PRR5L: variants seen among roughly 807,000 people sequenced by gnomAD.
The protein encoded by PRR5L is proline-rich protein 5-like.
PRR5L carries 21 observed loss-of-function variants against 36.4 expected under a neutral mutation model. The observed-to-expected ratio is 0.58, with a 90% CI of 0.41 to 0.83. PRR5L has a LOEUF of 0.83. Ranked by LOEUF, PRR5L falls within the 40% of genes least tolerant of loss-of-function variation. The pLI, the probability that PRR5L is intolerant of heterozygous loss-of-function variation, is 0.00. For missense variants in PRR5L, 381 were observed against 473.3 expected, an observed-to-expected ratio of 0.80 and a Z score of 1.81; for synonymous variants, 188 against 197.0, an observed-to-expected ratio of 0.95 and a Z score of 0.38.
At chr11:36,350,042 A>G (rs115622361) in intron 1 of PRR5L, 7 of 152,142 alleles carry the variant, frequency 4.6e-5, no homozygotes, top group African/African-American at 1.7e-4. Context: ...CCAGGTTAAA[A>G]TGTTTAACCC....
Position 36,431,464 on chromosome 11 carries a change from T to TA in PRR5L, c.295-380dup, listed in dbSNP as rs398115272. On this transcript the variant is annotated intron_variant, in intron 4 of 8. Coordinates refer to ENST00000530639, the MANE Select transcript of PRR5L (RefSeq NM_001160167.2). ...GAAGCCCTAAATTTATCTTTTTTTT[T>TA]AAAAAAAAATATGTTATTTCTGCAT... 9.6e-3 allele frequency among the ~76,000 whole-genome samples: 1,415 copies of TA among 147,834 alleles called. 11 individuals carry two copies. Among genetic ancestry groups the TA allele is most frequent in the Middle Eastern group, 0.021 (6 of 282 alleles).
intron 1 of PRR5L, among the ~76,000 whole-genome samples, chr11:36,358,228 C>G (rs1857048999): frequency 6.6e-6 from 1 of 152,210 alleles, no homozygotes; most frequent in Non-Finnish European, 1.5e-5. Context: ...AGAAATTCCA[C>G]TGAGGGTAAA....
chr11:36,462,799 C>T lies in PRR5L; in HGVS notation c.*63C>T, dbSNP rs557594919. On this transcript the variant is annotated 3_prime_UTR_variant, in exon 9 of 9. Transcript: ENST00000530639. Reference sequence around the variant, plus strand: ...ACCAGGATGAGGACCCCTCCATCTCCGTGGATTACTGAGGGGGGCTCTTGC... The same window carrying T: ...ACCAGGATGAGGACCCCTCCATCTCTGTGGATTACTGAGGGGGGCTCTTGC... The T allele has an allele frequency of 8.0e-5, 114 of 1,433,748 alleles. No homozygotes were observed. The highest frequency in any genetic ancestry group is 2.6e-4 in the Middle Eastern group (1 of 3,842). The allele number at this position is 1,433,748 out of a possible 1,614,324, so 88.8% of individuals were successfully genotyped here. A position where few individuals can be genotyped will look rare whatever the true frequency, so the allele number is the denominator to read the frequency against.
intron 2 of PRR5L, among the ~76,000 whole-genome samples, 193 bp downstream of exon 2, chr11:36,401,478 G>A (rs1048517099): frequency 2.0e-5 from 3 of 152,126 alleles, no homozygotes; most frequent in Non-Finnish European, 4.4e-5. Flanking sequence ...AGGCTGGAGT[G>A]CAGTCGTGCA....
At chr11:36,324,436 C>T (rs559637829) in intron 1 of PRR5L, among the ~76,000 whole-genome samples, 3 of 152,232 alleles carry the variant, frequency 2.0e-5, no homozygotes, top group East Asian at 1.9e-4. Context: ...GTGCTGGAAA[C>T]GCTCTATATC....
chr11:36,455,332 G>C (rs1052208861), intron 8 of PRR5L: 1 of 152,786 alleles, frequency 6.5e-6, no homozygotes, highest in Non-Finnish European at 1.5e-5. Context: ...CAAAGGACCC[G>C]AGGACGGCCT....
At chr11:36,375,511 G>A (rs1213429373) in intron 1 of PRR5L, among the ~76,000 whole-genome samples, 1 of 152,114 alleles carries the variant, frequency 6.6e-6, no homozygotes, top group African/African-American at 2.4e-5. Context: ...TGAGATAAAA[G>A]GACATGCACA....
chr11:36,378,142 A>G (rs147968214), intron 1 of PRR5L, among the ~76,000 whole-genome samples: 1 of 152,254 alleles, frequency 6.6e-6, no homozygotes, highest in African/African-American at 2.4e-5. Flanking sequence ...AGCTGTGGTA[A>G]ATTGCTCTGG....
chr11:36,348,386 G>A (rs539722676), intron 1 of PRR5L, among the ~76,000 whole-genome samples: 4 of 152,196 alleles, frequency 2.6e-5, no homozygotes, highest in East Asian at 1.9e-4. Context: ...GATGTAAATC[G>A]AAGGTGACAC....
intron 1 of PRR5L, among the ~76,000 whole-genome samples, chr11:36,342,343 G>A: frequency 6.6e-6 from 1 of 152,194 alleles, no homozygotes; most frequent in South Asian, 2.1e-4. Context: ...GCAGACGGGG[G>A]CGAAATATGC....
chr11:36,405,497 A>T (rs1380253947), intron 3 of PRR5L, among the ~76,000 whole-genome samples: 1 of 152,172 alleles, frequency 6.6e-6, no homozygotes, highest in Non-Finnish European at 1.5e-5. Context: ...TGAGTCCCAG[A>T]AAATGCTAGG....
Position 36,296,452 on chromosome 11 carries a change from G to A in PRR5L, c.-126+14G>A, listed in dbSNP as rs1856312253. Reference sequence around the variant, plus strand: ...AAACCAGACCAGGTAACACAAGAGAGACAATGAGAGCTTGGGGCTAGGGGG... The same window carrying A: ...AAACCAGACCAGGTAACACAAGAGAAACAATGAGAGCTTGGGGCTAGGGGG... On this transcript the variant is annotated intron_variant, in intron 1 of 8. Transcript: ENST00000530639. The A allele has an allele frequency of 6.6e-6, 1 of 152,156 alleles. No individual in the cohort carries two copies. The highest frequency in any genetic ancestry group is 1.5e-5 in the Non-Finnish European group (1 of 68,060). The allele number at this position is 152,156 out of a possible 1,614,324, so 9.4% of individuals were successfully genotyped here.
At chr11:36,367,997 A>T (rs1455107924) in intron 1 of PRR5L, among the ~76,000 whole-genome samples, 1 of 151,994 alleles carries the variant, frequency 6.6e-6, no homozygotes, top group African/African-American at 2.4e-5. Context: ...AATGACCGTG[A>T]AAGATGGGAG....
chr11:36,461,448 C>A (rs919288586), intron 8 of PRR5L, among the ~76,000 whole-genome samples: 1 of 152,008 alleles, frequency 6.6e-6, no homozygotes, highest in African/African-American at 2.4e-5. Context: ...CATGGTGAAA[C>A]CCCGTCTCTA....
intron 6 of PRR5L, among the ~76,000 whole-genome samples, chr11:36,439,995 A>C (rs1461743455): frequency 2.6e-5 from 4 of 152,200 alleles, no homozygotes; most frequent in African/African-American, 4.8e-5. Flanking sequence ...TCTCTGATTC[A>C]TTGTGGGCCT....
chr11:36,402,634 T>A (rs1387261123), intron 2 of PRR5L, among the ~76,000 whole-genome samples: 1 of 152,228 alleles, frequency 6.6e-6, no homozygotes, highest in Non-Finnish European at 1.5e-5. Flanking sequence ...TGGTGTTAAA[T>A]GGATCCCTGT....
intron 6 of PRR5L, 72 bp downstream of exon 6, chr11:36,437,548 G>A: frequency 1.1e-6 from 1 of 895,576 alleles, no homozygotes; most frequent in Admixed American, 2.4e-5. Flanking sequence ...TGCGGCCTGA[G>A]GGCTCCTGGT....
intron 4 of PRR5L, among the ~76,000 whole-genome samples, chr11:36,421,447 G>A (rs1564943960): frequency 2.0e-5 from 3 of 152,168 alleles, no homozygotes; most frequent in Non-Finnish European, 4.4e-5. Flanking sequence ...TCTTGCTGGG[G>A]TGTGGGGCGA....
intron 3 of PRR5L, among the ~76,000 whole-genome samples, chr11:36,414,795 G>A (rs987065076): frequency 6.8e-6 from 1 of 147,842 alleles, no homozygotes; most frequent in Non-Finnish European, 1.5e-5. Flanking sequence ...CCATGCCTAT[G>A]TCCTGAATGG....
Sources: allele counts gnomAD v4.1 joint callset (sites outside exome capture counted in the v4.1 genomes callset), GRCh38; gene constraint gnomAD v4.1.1; transcripts MANE v1.5; gene names NCBI Gene and HGNC (gene_info 2026-07-23, HGNC 2026-07-21).